PLSCR1: variants seen among roughly 807,000 people sequenced by gnomAD.
The protein encoded by PLSCR1 is phospholipid scramblase 1.
A neutral mutation model predicts 37.8 loss-of-function variants in PLSCR1; 17 were observed. That is an observed-to-expected ratio of 0.45 (90% CI 0.31 to 0.68). The LOEUF is 0.68. Among genes scored for constraint, PLSCR1 ranks in the 30% least tolerant of loss-of-function variants. PLSCR1 has a pLI of 0.06. For missense variants in PLSCR1, 347 were observed against 380.9 expected (o/e 0.91, Z 0.74); for synonymous variants, 116 against 125.9 (o/e 0.92, Z 0.53).
rs769123895 is a variant in PLSCR1, at chr3:146,521,563, C to A, written c.719G>T (p.Cys240Phe). The change falls in exon 7 of 9, where the codon TGT becomes TTT. Residue 240 changes from cysteine to phenylalanine, a missense_variant. By Grantham distance (205) the Cys-to-Phe change is radical. Transcript: ENST00000342435. ...TCTTACCTCAAAATCAACATCTCCA[C>A]AACAGCTGCACACAACACATGGACC... Reference protein sequence around the residue: ...ISGPCVVCSCCGDVDFEIKSL... With the variant: ...ISGPCVVCSCFGDVDFEIKSL... 2.6e-5 allele frequency: 42 copies of A among 1,613,506 alleles called. No homozygotes were observed. Among genetic ancestry groups the A allele is most frequent in the Non-Finnish European group, 3.5e-5 (41 of 1,179,770 alleles).
Position 146,515,794 on chromosome 3 carries a change from A to C in PLSCR1, c.*251T>G. ...TGAATCAGAGATCATAATTCAAAGC[A>C]GTTTTTCAAAGGAAGTTTCATTAAT... On this transcript the variant is annotated 3_prime_UTR_variant, in exon 9 of 9. Coordinates refer to ENST00000342435, the MANE Select transcript of PLSCR1 (RefSeq NM_021105.3). 1 of 314,804 alleles carries C rather than the reference A, an allele frequency of 3.2e-6. No homozygotes were observed. The allele number at this position is 314,804 out of a possible 1,614,324, so 19.5% of individuals were successfully genotyped here.
intron 4 of PLSCR1, chr3:146,527,928 G>A (rs1246302271): frequency 6.6e-6 from 1 of 152,012 alleles, no homozygotes; most frequent in Non-Finnish European, 1.5e-5. Context: ...TTATAATTTA[G>A]TGCAACAAAA....
chr3:146,522,567 G>A (rs2044040552), intron 5 of PLSCR1, among the ~76,000 whole-genome samples: 1 of 152,076 alleles, frequency 6.6e-6, no homozygotes, highest in South Asian at 2.1e-4. Context: ...AAGGCCACAG[G>A]GACCTCTGCC....
intron 3 of PLSCR1, among the ~76,000 whole-genome samples, chr3:146,529,376 T>A (rs779826055): frequency 5.3e-5 from 8 of 152,136 alleles, no homozygotes; most frequent in Non-Finnish European, 1.2e-4. Flanking sequence ...AAGATAATAC[T>A]GCATCTGGTG....
chr3:146,537,197 T>C (rs892909677), intron 1 of PLSCR1, among the ~76,000 whole-genome samples: 1 of 152,110 alleles, frequency 6.6e-6, no homozygotes, highest in Admixed American at 6.5e-5. Context: ...AAGTGAAACT[T>C]TGTACTCGGT....
chr3:146,524,983 T>C (rs2044086406), intron 5 of PLSCR1, among the ~76,000 whole-genome samples: 1 of 152,244 alleles, frequency 6.6e-6, no homozygotes, highest in African/African-American at 2.4e-5. Context: ...GCAGCCATTA[T>C]AAAACATTAA....
At chr3:146,539,674 G>C (rs1417442841) in intron 1 of PLSCR1, among the ~76,000 whole-genome samples, 1 of 152,140 alleles carries the variant, frequency 6.6e-6, no homozygotes, top group Non-Finnish European at 1.5e-5. Flanking sequence ...CTTCCCACTT[G>C]GTTACATTAT....
chr3:146,529,180 A>G (rs2044161256), intron 3 of PLSCR1, among the ~76,000 whole-genome samples: 1 of 152,226 alleles, frequency 6.6e-6, no homozygotes, highest in Admixed American at 6.5e-5. Flanking sequence ...CGTCATTGGT[A>G]GAAGGCCCAA....
In PLSCR1 at chr3:146,521,840, A is replaced by G. The variant is rs183621541; in HGVS notation, c.569T>C (p.Leu190Pro). 54 of 1,611,194 alleles carry G rather than the reference A, an allele frequency of 3.4e-5. No individual in the cohort carries two copies. The East Asian group carries it at 1.2e-3, about 36-fold the overall frequency. The change falls in exon 6 of 9, where the codon CTT becomes CCT. Residue 190 changes from leucine to proline, a missense_variant. Physicochemically the swap from Leu to Pro is moderately conservative, Grantham distance 98. Transcript: ENST00000342435. The stretch of plus-strand genomic sequence containing the variant: ...TGGTAATTGATCACAGACCTCCTGA[A>G]GGCAGCAGGGACAACAACAGCTGCT... ...RCSSCCCPCC[L>P]QEIEIQAPPG... is the part of the protein sequence containing the mutation.
chr3:146,543,930 AT>A (rs2044370291), intron 1 of PLSCR1, among the ~76,000 whole-genome samples: 1 of 152,114 alleles, frequency 6.6e-6, no homozygotes, highest in African/African-American at 2.4e-5. Flanking sequence ...TACCGCCACT[AT>A]CTTTCCTAAG....
At chr3:146,527,455 T>C (rs961338986) in intron 4 of PLSCR1, among the ~76,000 whole-genome samples, 3 of 152,190 alleles carry the variant, frequency 2.0e-5, no homozygotes, top group Non-Finnish European at 4.4e-5. Context: ...TCCATAAATA[T>C]GCACAATTAT....
intron 3 of PLSCR1, among the ~76,000 whole-genome samples, chr3:146,529,840 C>T (rs760176603): frequency 1.3e-5 from 2 of 152,190 alleles, no homozygotes; most frequent in African/African-American, 2.4e-5. Flanking sequence ...TCTTTTAGTA[C>T]ATTCCAGATG....
intron 7 of PLSCR1, among the ~76,000 whole-genome samples, chr3:146,518,183 C>T (rs945878993): frequency 3.3e-5 from 5 of 152,106 alleles, no homozygotes; most frequent in South Asian, 4.1e-4. Context: ...GTTTGAACAA[C>T]GGGTGTTAGC....
At chr3:146,540,677 GA>G (rs1255717948) in intron 1 of PLSCR1, among the ~76,000 whole-genome samples, 1 of 152,056 alleles carries the variant, frequency 6.6e-6, no homozygotes, top group Non-Finnish European at 1.5e-5. Flanking sequence ...CAAAACAGAA[GA>G]TAAAGCATTT....
intron 3 of PLSCR1, among the ~76,000 whole-genome samples, chr3:146,531,957 G>A (rs1050438984): frequency 6.6e-6 from 1 of 152,102 alleles, no homozygotes; most frequent in Non-Finnish European, 1.5e-5. Context: ...ATAACTGACA[G>A]TATTTACCTC....
chr3:146,525,416 A>C, intron 5 of PLSCR1, 189 bp downstream of exon 5: 1 of 522,630 alleles, frequency 1.9e-6, no homozygotes, highest in Non-Finnish European at 3.4e-6. Flanking sequence ...GCAGGTGCCC[A>C]ACATAACAGC....
Position 146,521,534 on chromosome 3 carries a change from C to A in PLSCR1, c.738+10G>T. ...AAAGCAAATCTTATAAACATTATGA[C>A]ATCTCTTACCTCAAAATCAACATCT... On this transcript the variant is annotated intron_variant, in intron 7 of 8. Coordinates refer to ENST00000342435, the MANE Select transcript of PLSCR1 (RefSeq NM_021105.3). The A allele has an allele frequency of 6.2e-7, 1 of 1,608,674 alleles. No homozygotes were observed. Among genetic ancestry groups the A allele is most frequent in the Non-Finnish European group, 8.5e-7 (1 of 1,176,782 alleles).
chr3:146,524,567 A>G (rs1467530381), intron 5 of PLSCR1, among the ~76,000 whole-genome samples: 1 of 144,022 alleles, frequency 6.9e-6, no homozygotes, highest in East Asian at 2.1e-4. Flanking sequence ...ACAAAAAAAG[A>G]TAAATAGTGT....
chr3:146,522,273 AAG>A (rs548162214), intron 5 of PLSCR1, among the ~76,000 whole-genome samples: 4 of 152,292 alleles, frequency 2.6e-5, no homozygotes, highest in African/African-American at 9.6e-5. Flanking sequence ...CCGTGGGGAA[AAG>A]AGAGATCAGA....
Sources: allele counts gnomAD v4.1 joint callset (sites outside exome capture counted in the v4.1 genomes callset), GRCh38; gene constraint gnomAD v4.1.1; transcripts MANE v1.5; gene names NCBI Gene and HGNC (gene_info 2026-07-23, HGNC 2026-07-21).